The following FARS2 variants were observed in gnomAD, a reference collection of about 807,000 sequenced individuals.
FARS2 encodes phenylalanine--tRNA ligase, mitochondrial.
Under a neutral mutation model 46.4 loss-of-function variants are expected in FARS2, and 40 were observed. The ratio of observed to expected loss-of-function variants is 0.86; its 90% confidence interval spans 0.67 to 1.12. The LOEUF (loss-of-function observed/expected upper bound fraction) is 1.12, where lower values mean the gene tolerates loss of function less well. Among genes scored for constraint, FARS2 ranks in the 50% most tolerant of loss-of-function variants. The probability of loss-of-function intolerance (pLI) is 0.00; values close to 1 mark genes in which losing one functional copy is unlikely to be tolerated. For missense variants in FARS2, 513 were observed against 567.9 expected (o/e 0.90, Z 0.98); for synonymous variants, 234 against 214.9 (o/e 1.09, Z -0.78).
intron 4 of FARS2, among the ~76,000 whole-genome samples, chr6:5,460,153 C>G (rs1765161587): frequency 6.6e-6 from 1 of 152,170 alleles, no homozygotes; most frequent in African/African-American, 2.4e-5. Context: ...TTTCTTCAGT[C>G]TTTTTTTGTC....
intron 6 of FARS2, among the ~76,000 whole-genome samples, chr6:5,741,111 C>T (rs558309149): frequency 6.6e-6 from 1 of 152,326 alleles, no homozygotes; most frequent in Admixed American, 6.5e-5. Flanking sequence ...AGTTGGTGCA[C>T]ATCCAGATCT....
At chr6:5,718,281 T>C (rs1322324758) in intron 6 of FARS2, among the ~76,000 whole-genome samples, 1 of 152,200 alleles carries the variant, frequency 6.6e-6, no homozygotes, top group African/African-American at 2.4e-5. Context: ...AACCCTTCCA[T>C]GCTAGACTGA....
At chr6:5,717,921 T>TAGAGAGAGAGAGAGAGAGAG (rs1561818430) in intron 6 of FARS2, among the ~76,000 whole-genome samples, 3 of 30,504 alleles carry the variant, frequency 9.8e-5, no homozygotes, top group African/African-American at 8.5e-4. Flanking sequence ...TATATATATA[T>TAGAGAGAGAGAGAGAGAGAG]ATATATATAT....
intron 4 of FARS2, among the ~76,000 whole-genome samples, chr6:5,502,222 A>T (rs1001247985): frequency 6.6e-6 from 1 of 152,210 alleles, no homozygotes; most frequent in Non-Finnish European, 1.5e-5. Context: ...TAGTCAGATG[A>T]AACAGTGAGA....
At chr6:5,669,743 A>G (rs1037846242) in intron 6 of FARS2, among the ~76,000 whole-genome samples, 2 of 152,112 alleles carry the variant, frequency 1.3e-5, no homozygotes, top group African/African-American at 4.8e-5. Context: ...AGATTCGGAG[A>G]GTGAAGCGGA....
At chr6:5,398,206 A>G (rs1019139529) in intron 2 of FARS2, among the ~76,000 whole-genome samples, 2 of 152,286 alleles carry the variant, frequency 1.3e-5, no homozygotes, top group South Asian at 4.1e-4. Context: ...TTCCCTTGAT[A>G]ATTTTTGCCA....
chr6:5,724,875 G>A (rs765187545), intron 6 of FARS2, among the ~76,000 whole-genome samples: 12 of 152,212 alleles, frequency 7.9e-5, no homozygotes, highest in African/African-American at 2.9e-4. Context: ...TGGAATATAT[G>A]TTAGGTCTAC....
rs907542618 is a variant in FARS2, at chr6:5,765,994, T to C, written c.1218-5297T>C. ...AATCAAACTCTATCCAGTGACCAAC[T>C]CATTTTAGCCAATACCCCAATGCAA... On this transcript the variant is annotated intron_variant, in intron 6 of 6. Transcript: ENST00000274680. This position sits in a 1 kb window ranked among gnomAD's most constrained non-coding sequence, Gnocchi z 4.0. Among the ~76,000 whole-genome samples, 2 of 152,210 alleles carry C rather than the reference T, an allele frequency of 1.3e-5. No homozygotes were observed. The highest frequency in any genetic ancestry group is 6.5e-5 in the Admixed American group (1 of 15,286).
chr6:5,454,653 A>G (rs1764727043), intron 4 of FARS2, among the ~76,000 whole-genome samples: 1 of 151,984 alleles, frequency 6.6e-6, no homozygotes, highest in African/African-American at 2.4e-5. Flanking sequence ...CTTGTTTTTT[A>G]AGGAATAATC....
intron 5 of FARS2, among the ~76,000 whole-genome samples, chr6:5,555,285 C>T (rs978973780): frequency 2.6e-5 from 4 of 152,076 alleles, no homozygotes; most frequent in Admixed American, 6.5e-5. Flanking sequence ...CTTTTTCTTC[C>T]CAGTATCAGG....
intron 4 of FARS2, among the ~76,000 whole-genome samples, chr6:5,434,347 G>T (rs1194807683): frequency 6.6e-6 from 1 of 152,036 alleles, no homozygotes; most frequent in Admixed American, 6.6e-5. Flanking sequence ...CTTGACCTCA[G>T]GTGATCCACC....
In FARS2 at chr6:5,368,857, A is replaced by G. The variant is rs774214415; in HGVS notation, c.287A>G (p.His96Arg). ...CTGATCAAGGAGAGGGTGAAGGAGC[A>G]CTTCTACAAGCAGTATGTGGGCCGC... is the stretch of plus-strand genomic sequence containing the variant. ...LWLIKERVKE[H>R]FYKQYVGRFG... The change falls in exon 2 of 7, where the codon CAC becomes CGC. Residue 96 changes from histidine to arginine, a missense_variant. Physicochemically the swap from His to Arg is conservative, Grantham distance 29. Transcript: ENST00000274680. 6.2e-7 allele frequency: 1 copy of G among 1,614,124 alleles called. No homozygotes were observed.
intron 6 of FARS2, among the ~76,000 whole-genome samples, chr6:5,654,167 CCTT>C (rs1191610897): frequency 6.6e-6 from 1 of 152,160 alleles, no homozygotes; most frequent in African/African-American, 2.4e-5. Context: ...GGAGCAGAGA[CCTT>C]CTGTGGAAAC....
At chr6:5,279,034 T>G (rs67285271) in intron 1 of FARS2, among the ~76,000 whole-genome samples, 31,033 of 151,882 alleles carry the variant, frequency 0.2, 3,412 homozygotes, top group Middle Eastern at 0.27. Flanking sequence ...GAAAGAGAAC[T>G]TGAACTGAGG....
At chr6:5,645,478 G>C (rs1455346779) in intron 6 of FARS2, among the ~76,000 whole-genome samples, 1 of 152,202 alleles carries the variant, frequency 6.6e-6, no homozygotes, top group Admixed American at 6.5e-5. Context: ...CCCACACACA[G>C]TCGGGCCAGG....
At chr6:5,452,935 A>G (rs375113) in intron 4 of FARS2, among the ~76,000 whole-genome samples, 109,579 of 151,902 alleles carry the variant, frequency 0.72, 39,874 homozygotes, top group East Asian at 0.92. Flanking sequence ...CCTGAAGCCC[A>G]CCTAATCATA....
chr6:5,275,590 T>C (rs1044282650), intron 1 of FARS2, among the ~76,000 whole-genome samples: 1 of 152,176 alleles, frequency 6.6e-6, no homozygotes, highest in African/African-American at 2.4e-5. Flanking sequence ...AAGCCTGAAA[T>C]TTTTAGATTT....
intron 6 of FARS2, among the ~76,000 whole-genome samples, chr6:5,661,859 G>A (rs756244611): frequency 3.3e-5 from 5 of 152,148 alleles, no homozygotes; most frequent in Non-Finnish European, 7.3e-5. Flanking sequence ...AAACTTCAGA[G>A]TGTGTAAAAG....
At chr6:5,465,665 G>T (rs1765473630) in intron 4 of FARS2, among the ~76,000 whole-genome samples, 1 of 152,076 alleles carries the variant, frequency 6.6e-6, no homozygotes, top group Non-Finnish European at 1.5e-5. Flanking sequence ...GTACTCCTGT[G>T]AAAACCAGTC....
Sources: gnomAD v4.1 joint callset for allele counts (sites outside exome capture counted in the v4.1 genomes callset) on GRCh38, gnomAD v4.1.1 for gene constraint, Gnocchi (gnomAD v3.1) non-coding constraint, MANE v1.5 for transcripts, NCBI Gene and HGNC (gene_info 2026-07-23, HGNC 2026-07-21) for gene names.